Variants in MAP2 observed in about 807,000 individuals in gnomAD.
MAP2 encodes the protein microtubule-associated protein 2.
MAP2 carries 14 observed loss-of-function variants against 137.6 expected under a neutral mutation model. That is an observed-to-expected ratio of 0.10 (90% CI 0.07 to 0.16). MAP2 has a LOEUF of 0.16. Ranked by LOEUF, MAP2 falls within the 10% of genes least tolerant of loss-of-function variation. MAP2 has a pLI of 1.00. For missense variants in MAP2, 2,088 were observed against 2,191.5 expected, an observed-to-expected ratio of 0.95 and a Z score of 0.94; for synonymous variants, 786 against 782.3, an observed-to-expected ratio of 1.00 and a Z score of -0.08.
chr2:209,676,719 T>C (rs1307642345), intron 5 of MAP2, among the ~76,000 whole-genome samples: 6 of 61,678 alleles, frequency 9.7e-5, no homozygotes, highest in African/African-American at 7.3e-5. Flanking sequence ...GACACAAAGG[T>C]CATATATATA....
At chr2:209,542,755 C>A (rs577053614) in intron 2 of MAP2, among the ~76,000 whole-genome samples, 12 of 152,338 alleles carry the variant, frequency 7.9e-5, no homozygotes, top group African/African-American at 2.4e-4. Context: ...TCTGCAGCTT[C>A]TTTACCTCTC....
chr2:209,488,863 T>C lies in MAP2; in HGVS notation c.-221-18729T>C, dbSNP rs113460318. ...GAAAGGGGGGGATGTGGGTACAGCT[T>C]CAGCCGACTTAAACGTTCCTGCCTG... On this transcript the variant is annotated intron_variant, in intron 1 of 15. Transcript: ENST00000682079. Among the ~76,000 whole-genome samples the C allele has an allele frequency of 8.7e-3, 1,320 of 152,290 alleles. 8 individuals are homozygous for C. The highest frequency in any genetic ancestry group is 0.014 in the Non-Finnish European group (935 of 68,006).
At chr2:209,532,840 A>T (rs905289197) in intron 2 of MAP2, among the ~76,000 whole-genome samples, 3 of 152,174 alleles carry the variant, frequency 2.0e-5, no homozygotes, top group Non-Finnish European at 4.4e-5. Flanking sequence ...AACAAATTTG[A>T]TGAATTTTTC....
intron 3 of MAP2, among the ~76,000 whole-genome samples, chr2:209,613,576 G>A (rs2087824992): frequency 1.3e-5 from 2 of 152,134 alleles, no homozygotes; most frequent in Admixed American, 1.3e-4. Flanking sequence ...CAGATGGATG[G>A]ATCAAGGAGC....
chr2:209,548,059 T>C (rs1213976226), intron 2 of MAP2, among the ~76,000 whole-genome samples: 1 of 152,216 alleles, frequency 6.6e-6, no homozygotes, highest in African/African-American at 2.4e-5. Context: ...CAGAAATAAA[T>C]TGAATGCTGT....
At chr2:209,616,403 A>G (rs541084566) in intron 3 of MAP2, among the ~76,000 whole-genome samples, 1 of 146,060 alleles carries the variant, frequency 6.8e-6, no homozygotes. Context: ...TTTTACTTCA[A>G]AGACCAAATT....
At chr2:209,612,454 T>A (rs567597319) in intron 3 of MAP2, among the ~76,000 whole-genome samples, 2 of 152,324 alleles carry the variant, frequency 1.3e-5, no homozygotes, top group South Asian at 4.1e-4. Context: ...AAAATGGTTT[T>A]AATTCAAATT....
chr2:209,592,122 T>A (rs1002725270), intron 3 of MAP2, among the ~76,000 whole-genome samples: 2 of 152,296 alleles, frequency 1.3e-5, no homozygotes, highest in South Asian at 4.1e-4. Context: ...CTAAACTGGG[T>A]TCAGCACACT....
At position 209,618,089 on chromosome 2, in the gene MAP2, G is replaced by A. The variant is rs2090077081; in HGVS notation, c.-106-6964G>A. ...AATATCAAATAAATATAAGAAACGA[G>A]AACCATACATCAGTGAAAGAAACAT... is the stretch of plus-strand genomic sequence containing the variant. On this transcript the variant is annotated intron_variant, in intron 3 of 15. Coordinates refer to ENST00000682079, the MANE Select transcript of MAP2 (RefSeq NM_001375505.1). Among the ~76,000 whole-genome samples the A allele has an allele frequency of 3.3e-5, 5 of 152,038 alleles. No homozygotes were observed. In the South Asian group the frequency reaches 1.0e-3, roughly 32 times the overall value.
In MAP2 at chr2:209,696,245, G is replaced by T. The variant is rs777776055; in HGVS notation, c.4075G>T (p.Val1359Phe). 2 of 1,613,206 alleles carry T rather than the reference G, an allele frequency of 1.2e-6. No homozygotes were observed. Among genetic ancestry groups the T allele is most frequent in the Admixed American group, 3.3e-5 (2 of 59,778 alleles). ...EAPASPEREE[V>F]ALSEYKTETY... The stretch of plus-strand genomic sequence containing the variant: ...TCCAGCTTCCCCTGAGAGAGAAGAG[G>T]TTGCACTTTCTGAATATAAGACAGA... The change falls in exon 8 of 16, where the codon GTT becomes TTT. Residue 1359 changes from valine (V) to phenylalanine (F), a missense_variant. Physicochemically the swap from Val to Phe is conservative, Grantham distance 50 (BLOSUM62 -1). Coordinates refer to ENST00000682079, the MANE Select transcript of MAP2 (RefSeq NM_001375505.1).
chr2:209,448,115 A>G (rs1232626778), intron 1 of MAP2, among the ~76,000 whole-genome samples: 3 of 152,164 alleles, frequency 2.0e-5, no homozygotes, highest in Non-Finnish European at 4.4e-5. Flanking sequence ...AAGTAGAAGA[A>G]AAATCTACTG....
intron 2 of MAP2, among the ~76,000 whole-genome samples, chr2:209,526,175 T>G (rs1315901850): frequency 6.6e-6 from 1 of 152,178 alleles, no homozygotes; most frequent in Non-Finnish European, 1.5e-5. Flanking sequence ...TAGCAGTGGA[T>G]TAGCAATGCC....
chr2:209,570,478 C>G (rs2074212483), intron 2 of MAP2, among the ~76,000 whole-genome samples: 2 of 151,848 alleles, frequency 1.3e-5, no homozygotes, highest in Admixed American at 1.3e-4. Flanking sequence ...AAATAATGTA[C>G]TCAAAAAGAC....
intron 4 of MAP2, among the ~76,000 whole-genome samples, chr2:209,651,979 C>G (rs185429841): frequency 7.6e-4 from 115 of 152,218 alleles, no homozygotes; most frequent in Admixed American, 3.3e-3. Context: ...TTTTTGGAGG[C>G]CTTTGCTTGA....
intron 2 of MAP2, among the ~76,000 whole-genome samples, chr2:209,524,516 G>A (rs1256128987): frequency 6.6e-6 from 1 of 151,782 alleles, no homozygotes; most frequent in Admixed American, 6.6e-5. Flanking sequence ...TAAGATAATA[G>A]CAATAAAAGG....
intron 4 of MAP2, among the ~76,000 whole-genome samples, chr2:209,628,740 A>C (rs575035787): frequency 6.6e-6 from 1 of 152,184 alleles, no homozygotes. Context: ...TCTTCTACCT[A>C]CATCATCTCG....
intron 2 of MAP2, among the ~76,000 whole-genome samples, chr2:209,537,901 A>G (rs1230610001): frequency 6.6e-6 from 1 of 152,192 alleles, no homozygotes; most frequent in Non-Finnish European, 1.5e-5. Context: ...AATAATAATA[A>G]TATCAACAAT....
chr2:209,454,555 A>G (rs561785569), intron 1 of MAP2, among the ~76,000 whole-genome samples: 76 of 152,054 alleles, frequency 5.0e-4, no homozygotes, highest in Admixed American at 2.6e-3. Context: ...CAGGCTGGTC[A>G]TGAACTCCTG....
rs2059826680 is a variant in MAP2, at chr2:209,694,983, A to G, written c.2813A>G (p.His938Arg). 6.2e-7 allele frequency: 1 copy of G among 1,614,214 alleles called. No homozygotes were observed. Among genetic ancestry groups the G allele is most frequent in the Non-Finnish European group, 8.5e-7 (1 of 1,180,036 alleles). The change falls in exon 8 of 16, where the codon CAT becomes CGT. Residue 938 changes from histidine (H) to arginine (R), a missense_variant. Around this residue, in one of 6 missense-constraint regions of MAP2, gnomAD observed 500 missense variants for 482.9 expected, o/e 1.04. Coordinates refer to ENST00000682079, the MANE Select transcript of MAP2 (RefSeq NM_001375505.1). ...EFSVDKEASA[H>R]ISGDKSGLSK... ...AGTGTTGACAAAGAAGCATCCGCGC[A>G]TATCTCTGGTGACAAATCAGGACTG...
Sources: allele counts gnomAD v4.1 joint callset (sites outside exome capture counted in the v4.1 genomes callset), GRCh38; gene constraint gnomAD v4.1.1; regional missense constraint gnomAD v4.1.1; transcripts MANE v1.5; gene names NCBI Gene and HGNC (gene_info 2026-07-23, HGNC 2026-07-21).